TNNI3K: variants seen among roughly 807,000 people sequenced by gnomAD.
TNNI3K encodes the protein serine/threonine-protein kinase TNNI3K.
A neutral mutation model predicts 114.5 loss-of-function variants in TNNI3K; 140 were observed. The ratio of observed to expected loss-of-function variants is 1.22; its 90% CI spans 1.07 to 1.41. The LOEUF (loss-of-function observed/expected upper bound fraction) is 1.41. TNNI3K is among the 40% of genes most tolerant of loss of function. The probability of loss-of-function intolerance (pLI) is 0.00; values close to 1 mark genes in which losing one functional copy is unlikely to be tolerated. For synonymous variants in TNNI3K, 347 were observed against 347.5 expected, an observed-to-expected ratio of 1.00 and a Z score of 0.02; for missense variants, 1,125 against 1,007.6, an observed-to-expected ratio of 1.12 and a Z score of -1.58.
Position 74,543,960 on chromosome 1 carries a change from G to A in TNNI3K, c.2486G>A (p.Ser829Asn). 1 of 1,613,204 alleles carries A rather than the reference G, an allele frequency of 6.2e-7. No homozygotes were observed. The highest frequency in any genetic ancestry group is 1.1e-5 in the South Asian group (1 of 90,824). ...SMHFHSCRNS[S>N]SFEDSS ...CATTTTCATTCTTGCCGAAATAGTA[G>A]CAGCTTTGAGGACAGCAGCTGACAG... The change falls in exon 25 of 25, where the codon AGC becomes AAC. Residue 829 changes from serine (S) to asparagine (N), a missense_variant. Transcript: ENST00000326637.
chr1:74,268,207 A>G (rs973918108), intron 4 of TNNI3K, among the ~76,000 whole-genome samples: 1 of 151,652 alleles, frequency 6.6e-6, no homozygotes, highest in Non-Finnish European at 1.5e-5. Context: ...TATTTAAAAT[A>G]TAACTTTATG....
At chr1:74,250,627 C>A (rs1654868282) in intron 3 of TNNI3K, 45 bp from the exon 4 acceptor site, 2 of 1,576,824 alleles carry the variant, frequency 1.3e-6, no homozygotes. Context: ...TCAAACTCAC[C>A]CCATCCCCAC....
At chr1:74,302,782 G>C (rs1434421488) in intron 5 of TNNI3K, among the ~76,000 whole-genome samples, 3 of 152,214 alleles carry the variant, frequency 2.0e-5, no homozygotes, top group Non-Finnish European at 4.4e-5. Flanking sequence ...TTTAAGGAAA[G>C]AAGCTATTTC....
intron 5 of TNNI3K, among the ~76,000 whole-genome samples, chr1:74,302,909 G>C (rs957613789): frequency 2.0e-5 from 3 of 152,206 alleles, no homozygotes; most frequent in African/African-American, 7.2e-5. Flanking sequence ...AATTTTTAAT[G>C]TAGATGAAAC....
chr1:74,400,801 C>T (rs2100589948), intron 17 of TNNI3K, among the ~76,000 whole-genome samples: 1 of 152,276 alleles, frequency 6.6e-6, no homozygotes, highest in Non-Finnish European at 1.5e-5. Flanking sequence ...GTACCCCAGG[C>T]TGATGTCTGG....
intron 23 of TNNI3K, among the ~76,000 whole-genome samples, chr1:74,521,628 C>A (rs1345081970): frequency 6.6e-6 from 1 of 152,054 alleles, no homozygotes; most frequent in East Asian, 1.9e-4. Context: ...GGTAAAGACG[C>A]ACTATATTCC....
At chr1:74,475,526 C>T (rs648614) in intron 21 of TNNI3K, 412,830 of 716,462 alleles carry the variant, frequency 0.58, 119,837 homozygotes, top group East Asian at 0.68. Context: ...CTAAATGATC[C>T]GTCAAGGGTT....
chr1:74,310,289 T>G (rs498287), intron 5 of TNNI3K, among the ~76,000 whole-genome samples: 150,942 of 152,306 alleles, frequency 0.99, 74,813 homozygotes, highest in Middle Eastern at 1. Flanking sequence ...TCTACAAGGA[T>G]AACTACAAAA....
intron 2 of TNNI3K, among the ~76,000 whole-genome samples, chr1:74,236,940 A>T (rs1653892842): frequency 6.6e-6 from 1 of 151,922 alleles, no homozygotes; most frequent in African/African-American, 2.4e-5. Context: ...ATATAGGCCA[A>T]TTAGCCATGT....
chr1:74,332,055 T>G (rs1660231039), intron 6 of TNNI3K, among the ~76,000 whole-genome samples: 1 of 152,202 alleles, frequency 6.6e-6, no homozygotes, highest in African/African-American at 2.4e-5. Flanking sequence ...ATAATTTACT[T>G]TAAATATGTG....
intron 23 of TNNI3K, among the ~76,000 whole-genome samples, chr1:74,507,223 A>ACC (rs36051033): frequency 0.29 from 34,685 of 118,772 alleles, 5,418 homozygotes; most frequent in East Asian, 0.48. Context: ...AAATTTCTTC[A>ACC]CCCCCCCCCC....
chr1:74,332,107 A>G (rs995632306), intron 6 of TNNI3K, among the ~76,000 whole-genome samples: 2 of 152,056 alleles, frequency 1.3e-5, no homozygotes, highest in South Asian at 4.1e-4. Context: ...TATTTTCTGT[A>G]ATAATATATA....
intron 17 of TNNI3K, among the ~76,000 whole-genome samples, chr1:74,402,495 G>A (rs563059622): frequency 2.4e-4 from 36 of 152,254 alleles, no homozygotes; most frequent in African/African-American, 8.2e-4. Context: ...ATCAAAACTC[G>A]AATGTGTAAT....
chr1:74,514,452 T>A (rs1646319275), intron 23 of TNNI3K, among the ~76,000 whole-genome samples: 1 of 152,220 alleles, frequency 6.6e-6, no homozygotes, highest in Admixed American at 6.5e-5. Context: ...TAGAAATTGC[T>A]GTTGTTCTCT....
Position 74,497,905 on chromosome 1 carries a change from G to C in TNNI3K, c.2351+5639G>C, listed in dbSNP as rs148405187. Reference sequence around the variant, plus strand: ...ATACACGTTTTCATCATACGTTCCAGTGGTTCTAAACAGAGAGTGATACTG... The same window carrying C: ...ATACACGTTTTCATCATACGTTCCACTGGTTCTAAACAGAGAGTGATACTG... On this transcript the variant is annotated intron_variant, in intron 23 of 24. Coordinates refer to ENST00000326637, the MANE Select transcript of TNNI3K (RefSeq NM_015978.3). Among the ~76,000 whole-genome samples, 62 of 152,290 alleles carry C rather than the reference G, an allele frequency of 4.1e-4. No homozygotes were observed. In the East Asian group the frequency reaches 0.01, roughly 25 times the overall value.
chr1:74,253,700 G>C lies in TNNI3K; in HGVS notation c.333+2931G>C, dbSNP rs376372135. 9.2e-4 allele frequency among the ~76,000 whole-genome samples: 139 copies of C among 151,542 alleles called. 2 individuals carry two copies. The East Asian group carries it at 0.025, about 27-fold the overall frequency. ...CTCTAGCTGGGCCGCAAGCCCCGCC[G>C]TGCGGCCCCAGTTCCTGCCCGTGCC... On this transcript the variant is annotated intron_variant, in intron 4 of 24. Transcript: ENST00000326637.
chr1:74,501,209 T>C (rs529214962), intron 23 of TNNI3K, among the ~76,000 whole-genome samples: 13 of 152,346 alleles, frequency 8.5e-5, no homozygotes, highest in African/African-American at 3.1e-4. Flanking sequence ...TTTTTTCAGA[T>C]CTGTCTTCCA....
Position 74,463,492 on chromosome 1 carries a change from A to C in TNNI3K, c.2063A>C (p.Tyr688Ser). 1 of 1,614,218 alleles carries C rather than the reference A, an allele frequency of 6.2e-7. No individual in the cohort carries two copies. The highest frequency in any genetic ancestry group is 8.5e-7 in the Non-Finnish European group (1 of 1,180,040). ...AYHHIRPPIG[Y>S]SIPKPISSLL... ...CACCACATCAGACCTCCCATTGGCT[A>C]TTCCATTCCCAAGCCCATATCATCT... Residue 688 changes from tyrosine (Y) to serine (S), a missense_variant, in exon 21 of 25, where the codon TAT becomes TCT. By Grantham distance (144) the Tyr-to-Ser change is moderately radical. Transcript: ENST00000326637.
chr1:74,518,874 C>CTTTTT (rs1327871291), intron 23 of TNNI3K, among the ~76,000 whole-genome samples: 1 of 29,052 alleles, frequency 3.4e-5, no homozygotes, highest in African/African-American at 1.7e-4. Flanking sequence ...TTTTTTTCCC[C>CTTTTT]TTTTTTTTTT....
Sources: gnomAD v4.1 joint callset for allele counts (sites outside exome capture counted in the v4.1 genomes callset) on GRCh38, gnomAD v4.1.1 for gene constraint, MANE v1.5 for transcripts, NCBI Gene and HGNC (gene_info 2026-07-23, HGNC 2026-07-21) for gene names.